The following CFAP47 variants were observed in gnomAD, a reference collection of about 807,000 sequenced individuals.
The protein encoded by CFAP47 is cilia and flagella associated protein 47, also known as cilia- and flagella-associated protein 47.
A neutral mutation model predicts 148.1 loss-of-function variants in CFAP47; 29 were observed. That is an observed-to-expected ratio of 0.20 (90% CI 0.15 to 0.27). The LOEUF is 0.27. Among genes scored for constraint, CFAP47 ranks in the 10% least tolerant of loss-of-function variants. The probability of loss-of-function intolerance (pLI) is 1.00; values close to 1 mark genes in which losing one functional copy is unlikely to be tolerated. For synonymous variants in CFAP47, 664 were observed against 577.3 expected, an observed-to-expected ratio of 1.15 and a Z score of -2.15; for missense variants, 1,872 against 1,697.5, an observed-to-expected ratio of 1.10 and a Z score of -1.81.
At chrX:36,287,165 AAT>A (rs1368154691) in intron 51 of CFAP47, among the ~76,000 whole-genome samples, 2 of 112,077 alleles carry the variant, frequency 1.8e-5, no homozygotes, top group Non-Finnish European at 3.8e-5. Context: ...AGAAATTTCA[AAT>A]ATGTTTTCAT....
chrX:36,209,847 A>T (rs1388458372), intron 45 of CFAP47, among the ~76,000 whole-genome samples: 1 of 111,215 alleles, frequency 9.0e-6, no homozygotes, highest in African/African-American at 3.3e-5. Context: ...ATTTTAGAAC[A>T]CTTTTATGGT....
chrX:36,229,545 G>C (rs1488580006), intron 46 of CFAP47, among the ~76,000 whole-genome samples: 1 of 111,162 alleles, frequency 9.0e-6, no homozygotes, highest in Non-Finnish European at 1.9e-5. Flanking sequence ...GCTCTTATGT[G>C]ACATAGAAAG....
intron 21 of CFAP47, among the ~76,000 whole-genome samples, chrX:36,007,849 G>T (rs1177428928): frequency 9.0e-6 from 1 of 111,683 alleles, no homozygotes; most frequent in Non-Finnish European, 1.9e-5. Flanking sequence ...TAGAAAAATT[G>T]TATGTTTCAG....
intron 49 of CFAP47, among the ~76,000 whole-genome samples, chrX:36,253,569 C>T (rs1395343873): frequency 5.4e-5 from 6 of 111,196 alleles, no homozygotes; most frequent in East Asian, 2.8e-4. Flanking sequence ...TGCATGTGTA[C>T]GCACGTGTGT....
chrX:36,305,143 G>T (rs2146960381), intron 54 of CFAP47, among the ~76,000 whole-genome samples: 1 of 112,067 alleles, frequency 8.9e-6, no homozygotes, highest in East Asian at 2.8e-4. Context: ...TATAAAAGTA[G>T]TTCTTAGCTA....
chrX:36,371,578 T>C (rs1941936374), intron 62 of CFAP47, among the ~76,000 whole-genome samples: 1 of 98,032 alleles, frequency 1.0e-5, no homozygotes, highest in Admixed American at 1.1e-4. Context: ...TATGTGTGTA[T>C]ATATATGTGT....
intron 57 of CFAP47, among the ~76,000 whole-genome samples, chrX:36,344,259 A>G (rs1246312820): frequency 1.0e-5 from 1 of 97,039 alleles, no homozygotes; most frequent in African/African-American, 4.9e-5. Context: ...GAGAGAAAGA[A>G]AAAAAAAAAG....
intron 62 of CFAP47, 96 bp from the exon 63 acceptor site, chrX:36,379,254 A>T: frequency 1.3e-6 from 1 of 786,400 alleles, no homozygotes; most frequent in Non-Finnish European, 1.9e-6. Context: ...AACCAGGCCT[A>T]TTGCAGCAGG....
intron 29 of CFAP47, among the ~76,000 whole-genome samples, chrX:36,083,995 C>T (rs1448322186): frequency 9.0e-6 from 1 of 110,649 alleles, no homozygotes; most frequent in Non-Finnish European, 1.9e-5. Flanking sequence ...TCAAATGTTG[C>T]AGTATGAATA....
chrX:35,986,227 C>T (rs993542022), intron 15 of CFAP47, among the ~76,000 whole-genome samples: 6 of 110,896 alleles, frequency 5.4e-5, no homozygotes, highest in African/African-American at 1.3e-4. Flanking sequence ...TTCTCCCCGT[C>T]GCTTTCAGGT....
intron 9 of CFAP47, 73 bp from the exon 10 acceptor site, chrX:35,967,546 T>G: frequency 1.3e-6 from 1 of 748,029 alleles, no homozygotes. Flanking sequence ...GTGTATTAAT[T>G]AATTCATGGT....
chrX:36,315,378 C>A (rs1177140966), intron 56 of CFAP47, among the ~76,000 whole-genome samples: 3 of 111,933 alleles, frequency 2.7e-5, no homozygotes, highest in African/African-American at 9.7e-5. Flanking sequence ...TTCACTCAAG[C>A]ATAAATACTT....
intron 49 of CFAP47, among the ~76,000 whole-genome samples, chrX:36,258,332 TA>T (rs1200523168): frequency 1.8e-5 from 2 of 112,289 alleles, no homozygotes; most frequent in Non-Finnish European, 3.8e-5. Flanking sequence ...ATAGTAGGCT[TA>T]TTTTGTCTTT....
intron 13 of CFAP47, among the ~76,000 whole-genome samples, chrX:35,973,210 G>A (rs989532691): frequency 2.7e-5 from 3 of 110,121 alleles, no homozygotes; most frequent in Non-Finnish European, 5.7e-5. Flanking sequence ...TATTTATTGC[G>A]ACGGAGTCTC....
intron 33 of CFAP47, among the ~76,000 whole-genome samples, chrX:36,118,992 A>T (rs999853787): frequency 1.8e-5 from 2 of 112,108 alleles, no homozygotes; most frequent in Non-Finnish European, 3.8e-5. Flanking sequence ...AGGTTTCTCC[A>T]AATGTAAGAT....
At chrX:35,965,264 T>A (rs1246357853) in intron 8 of CFAP47, among the ~76,000 whole-genome samples, 1 of 111,734 alleles carries the variant, frequency 8.9e-6, no homozygotes, top group Admixed American at 9.6e-5. Context: ...CTTAAATTCC[T>A]TGAATCAATA....
At chrX:35,932,215 A>C (rs1935838192) in intron 2 of CFAP47, among the ~76,000 whole-genome samples, 1 of 105,421 alleles carries the variant, frequency 9.5e-6, no homozygotes, top group African/African-American at 3.5e-5. Context: ...AGCCTGGCTA[A>C]TTTTTTCTTT....
At chrX:36,279,868 C>G (rs898464335) in intron 49 of CFAP47, among the ~76,000 whole-genome samples, 1 of 109,829 alleles carries the variant, frequency 9.1e-6, no homozygotes, top group African/African-American at 3.3e-5. Context: ...CCACGCCTGG[C>G]TAATTTTTGT....
At chrX:36,218,319 T>G in intron 45 of CFAP47, among the ~76,000 whole-genome samples, 1 of 111,932 alleles carries the variant, frequency 8.9e-6, no homozygotes, top group South Asian at 3.7e-4. Context: ...TAGAAAATAA[T>G]AGAAAACTTA....
Sources: gnomAD v4.1 joint callset for allele counts (sites outside exome capture counted in the v4.1 genomes callset) on GRCh38, gnomAD v4.1.1 for gene constraint, MANE v1.5 for transcripts, NCBI Gene and HGNC (gene_info 2026-07-23, HGNC 2026-07-21) for gene names.